Variants in BRINP3 observed in about 807,000 individuals in gnomAD.
BRINP3 encodes BMP/retinoic acid-inducible neural-specific protein 3.
BRINP3 carries 19 observed loss-of-function variants against 71.0 expected under a neutral mutation model. The ratio of observed to expected loss-of-function variants is 0.27; its 90% CI spans 0.19 to 0.39. The LOEUF (loss-of-function observed/expected upper bound fraction) is 0.39. BRINP3 is among the 10% of genes least tolerant of loss of function. BRINP3 has a pLI of 1.00. For synonymous variants in BRINP3, 380 were observed against 337.7 expected, an observed-to-expected ratio of 1.13 and a Z score of -1.37; for missense variants, 959 against 940.8, an observed-to-expected ratio of 1.02 and a Z score of -0.25.
intron 1 of BRINP3, among the ~76,000 whole-genome samples, chr1:190,473,543 T>TTG: frequency 6.7e-6 from 1 of 148,484 alleles, no homozygotes. Flanking sequence ...TTTTTCTCTT[T>TTG]TTTTTTTTTT....
Position 190,430,957 on chromosome 1 carries a change from G to GT in BRINP3, c.236+23697dup, listed in dbSNP as rs371586089. Among the ~76,000 whole-genome samples the GT allele has an allele frequency of 6.6e-3, 973 of 147,126 alleles. 11 individuals are homozygous for GT. Among genetic ancestry groups the GT allele is most frequent in the African/African-American group, 0.022 (880 of 40,186 alleles). On this transcript the variant is annotated intron_variant, in intron 2 of 7. Transcript: ENST00000367462. ...TGTTCAAATGATAATTGTATAAAGT[G>GT]TTTTTTTTTTACTCATCAAGCTTAT...
chr1:190,210,753 G>T (rs557438757), intron 6 of BRINP3, among the ~76,000 whole-genome samples: 1 of 152,210 alleles, frequency 6.6e-6, no homozygotes, highest in East Asian at 1.9e-4. Flanking sequence ...TCCTGGGTAT[G>T]TCTGTGAGAG....
At chr1:190,312,073 A>ATATATATATATATATATATG (rs1215673029) in intron 2 of BRINP3, among the ~76,000 whole-genome samples, 1 of 139,644 alleles carries the variant, frequency 7.2e-6, no homozygotes, top group African/African-American at 2.7e-5. Flanking sequence ...ATATATATAT[A>ATATATATATATATATATATG]TATGTATTTC....
At chr1:190,326,094 T>G (rs993846602) in intron 2 of BRINP3, among the ~76,000 whole-genome samples, 1 of 152,024 alleles carries the variant, frequency 6.6e-6, no homozygotes, top group Non-Finnish European at 1.5e-5. Flanking sequence ...AAAAAATCAA[T>G]TGGAGCTTCT....
chr1:190,207,214 C>T (rs976907777), intron 6 of BRINP3, among the ~76,000 whole-genome samples: 6 of 152,048 alleles, frequency 3.9e-5, no homozygotes, highest in African/African-American at 1.4e-4. Flanking sequence ...AATTGTCTGT[C>T]TGTCAGTTTT....
intron 2 of BRINP3, among the ~76,000 whole-genome samples, chr1:190,363,974 T>C (rs1669322394): frequency 6.6e-6 from 1 of 151,972 alleles, no homozygotes; most frequent in Non-Finnish European, 1.5e-5. Flanking sequence ...GTGTTTGGAG[T>C]ATCTATAGAA....
intron 2 of BRINP3, among the ~76,000 whole-genome samples, chr1:190,358,471 C>T (rs1668893911): frequency 6.6e-6 from 1 of 152,148 alleles, no homozygotes; most frequent in South Asian, 2.1e-4. Context: ...GATAACATCT[C>T]ACACCAGTTA....
intron 6 of BRINP3, among the ~76,000 whole-genome samples, chr1:190,182,056 T>C (rs1653079093): frequency 6.6e-6 from 1 of 152,014 alleles, no homozygotes; most frequent in Non-Finnish European, 1.5e-5. Flanking sequence ...TTGATCAAAA[T>C]TATTAAAATT....
intron 6 of BRINP3, among the ~76,000 whole-genome samples, chr1:190,188,711 A>G (rs1485278295): frequency 6.7e-6 from 1 of 150,122 alleles, no homozygotes; most frequent in African/African-American, 2.4e-5. Flanking sequence ...CCACTTAATC[A>G]TGGTGAATGA....
chr1:190,273,231 G>A (rs1327269002), intron 3 of BRINP3, among the ~76,000 whole-genome samples: 2 of 151,354 alleles, frequency 1.3e-5, no homozygotes, highest in Admixed American at 6.6e-5. Context: ...GTTCAGATTC[G>A]AAAACTGAAA....
At chr1:190,419,650 A>T (rs373672280) in intron 2 of BRINP3, among the ~76,000 whole-genome samples, 5 of 151,264 alleles carry the variant, frequency 3.3e-5, no homozygotes, top group African/African-American at 1.2e-4. Context: ...TTCTCTGTTC[A>T]GTTCCTAGTT....
intron 2 of BRINP3, among the ~76,000 whole-genome samples, chr1:190,399,822 C>G (rs959147494): frequency 2.6e-5 from 4 of 151,924 alleles, no homozygotes; most frequent in Admixed American, 6.6e-5. Context: ...ACTTTTAGAA[C>G]TGTAAAGCAT....
chr1:190,263,835 G>T (rs888483990), intron 4 of BRINP3, among the ~76,000 whole-genome samples: 1 of 151,954 alleles, frequency 6.6e-6, no homozygotes, highest in African/African-American at 2.4e-5. Context: ...TGATCCCCCC[G>T]CCTCGGCCTC....
intron 5 of BRINP3, among the ~76,000 whole-genome samples, chr1:190,233,970 G>A (rs542922283): frequency 6.6e-6 from 1 of 152,060 alleles, no homozygotes; most frequent in South Asian, 2.1e-4. Context: ...GCCACATTAG[G>A]TTATATATAA....
intron 2 of BRINP3, among the ~76,000 whole-genome samples, chr1:190,301,210 T>TATGTATATATATACACACATAC (rs1664694827): frequency 9.3e-6 from 1 of 107,828 alleles, no homozygotes; most frequent in Non-Finnish European, 1.8e-5. Flanking sequence ...CATACATATA[T>TATGTATATATATACACACATAC]ATATATATAT....
chr1:190,366,777 T>G (rs1472148612), intron 2 of BRINP3, among the ~76,000 whole-genome samples: 1 of 152,190 alleles, frequency 6.6e-6, no homozygotes, highest in Non-Finnish European at 1.5e-5. Context: ...ACAGTCCCCA[T>G]GCAAGTCCAA....
chr1:190,139,242 G>T (rs1431006520), intron 7 of BRINP3, among the ~76,000 whole-genome samples: 1 of 151,770 alleles, frequency 6.6e-6, no homozygotes, highest in African/African-American at 2.4e-5. Flanking sequence ...GAGCCTAGGG[G>T]TTTGAGACCA....
At chr1:190,452,438 G>A (rs1029247285) in intron 2 of BRINP3, among the ~76,000 whole-genome samples, 1 of 152,202 alleles carries the variant, frequency 6.6e-6, no homozygotes, top group Non-Finnish European at 1.5e-5. Context: ...TCTTCAGGAA[G>A]TGAGTTGCAT....
At chr1:190,282,963 G>T (rs1328219380) in intron 2 of BRINP3, among the ~76,000 whole-genome samples, 3 of 151,890 alleles carry the variant, frequency 2.0e-5, no homozygotes, top group Non-Finnish European at 4.4e-5. Flanking sequence ...ATTGCTTGGT[G>T]CAAGGAGGCA....
Sources: gnomAD v4.1 joint callset for allele counts (sites outside exome capture counted in the v4.1 genomes callset) on GRCh38, gnomAD v4.1.1 for gene constraint, MANE v1.5 for transcripts, NCBI Gene and HGNC (gene_info 2026-07-23, HGNC 2026-07-21) for gene names.